CBL: variants seen among roughly 807,000 people sequenced by gnomAD.
CBL encodes Cbl proto-oncogene.
Under a neutral mutation model 96.9 loss-of-function variants are expected in CBL, and 45 were observed. That is an observed-to-expected ratio of 0.46 (90% CI 0.37 to 0.60). The LOEUF (loss-of-function observed/expected upper bound fraction) is 0.60, where lower values mean the gene tolerates loss of function less well. CBL is among the 20% of genes least tolerant of loss of function. The pLI is 0.00. For synonymous variants in CBL, 420 were observed against 426.8 expected, an observed-to-expected ratio of 0.98 and a Z score of 0.20; for missense variants, 1,024 against 1,143.5, an observed-to-expected ratio of 0.90 and a Z score of 1.51.
intron 9 of CBL, among the ~76,000 whole-genome samples, chr11:119,279,476 C>G (rs1949915952): frequency 7.4e-6 from 1 of 134,558 alleles, no homozygotes; most frequent in East Asian, 2.4e-4. Context: ...ACCACCACTG[C>G]CCCCATGCCC....
intron 4 of CBL, 56 bp downstream of exon 4, chr11:119,274,080 GC>G: frequency 1.9e-6 from 2 of 1,051,590 alleles, no homozygotes; most frequent in Non-Finnish European, 1.4e-6. Context: ...TGAAGAGAAA[GC>G]TTTTTTTTTT....
intron 1 of CBL, among the ~76,000 whole-genome samples, chr11:119,211,129 T>G (rs1949314817): frequency 1.3e-5 from 2 of 152,140 alleles, no homozygotes; most frequent in South Asian, 4.1e-4. Flanking sequence ...CCCAGCACTT[T>G]GGGAGGCCGA....
chr11:119,227,281 A>G (rs1949466122), intron 1 of CBL, among the ~76,000 whole-genome samples: 1 of 152,176 alleles, frequency 6.6e-6, no homozygotes, highest in Non-Finnish European at 1.5e-5. Context: ...TAGCTAAGCT[A>G]TGATGTTTGG....
At chr11:119,227,553 C>CT (rs757085592) in intron 1 of CBL, among the ~76,000 whole-genome samples, 1,957 of 142,398 alleles carry the variant, frequency 0.014, 25 homozygotes, top group African/African-American at 0.031. Context: ...TTATAATTTT[C>CT]TTTTTTTTTT....
chr11:119,278,377 AG>A, intron 8 of CBL, 80 bp downstream of exon 8: 1 of 1,566,298 alleles, frequency 6.4e-7, no homozygotes, highest in African/African-American at 1.4e-5. Context: ...TACTGATACA[AG>A]GGGTGGCCTG....
chr11:119,273,195 T>A (rs1400095185), intron 3 of CBL, among the ~76,000 whole-genome samples: 1 of 152,120 alleles, frequency 6.6e-6, no homozygotes, highest in East Asian at 1.9e-4. Flanking sequence ...TGGCCTCAAA[T>A]AATCTTTCCC....
intron 1 of CBL, among the ~76,000 whole-genome samples, chr11:119,227,907 A>G (rs1434442663): frequency 6.6e-6 from 1 of 152,096 alleles, no homozygotes; most frequent in Non-Finnish European, 1.5e-5. Flanking sequence ...GATTCCTCTC[A>G]CATTCAGATA....
At chr11:119,221,173 G>C (rs1429417624) in intron 1 of CBL, among the ~76,000 whole-genome samples, 1 of 151,892 alleles carries the variant, frequency 6.6e-6, no homozygotes, top group Non-Finnish European at 1.5e-5. Context: ...AACCTGGGAG[G>C]TGGAGGCTGC....
At chr11:119,288,340 A>T (rs2135313290) in intron 12 of CBL, among the ~76,000 whole-genome samples, 1 of 152,306 alleles carries the variant, frequency 6.6e-6, no homozygotes, top group Non-Finnish European at 1.5e-5. Flanking sequence ...TGGTTTAAAT[A>T]GCAGAAATTT....
chr11:119,263,018 G>T (rs1251916434), intron 2 of CBL, among the ~76,000 whole-genome samples: 4 of 152,294 alleles, frequency 2.6e-5, no homozygotes, highest in African/African-American at 9.6e-5. Flanking sequence ...TCATTTGTAA[G>T]ATACGGTTAG....
chr11:119,262,689 T>G (rs1165528553), intron 2 of CBL, among the ~76,000 whole-genome samples: 2 of 152,202 alleles, frequency 1.3e-5, no homozygotes, highest in African/African-American at 4.8e-5. Context: ...GCCTCTGCCC[T>G]TAAGGAGTTG....
At chr11:119,223,353 ATT>A (rs906231990) in intron 1 of CBL, among the ~76,000 whole-genome samples, 3 of 149,948 alleles carry the variant, frequency 2.0e-5, no homozygotes, top group African/African-American at 7.3e-5. Context: ...TTTGGTTTTT[ATT>A]TTATTTTACT....
intron 2 of CBL, among the ~76,000 whole-genome samples, chr11:119,239,638 G>A (rs1006534273): frequency 2.6e-5 from 4 of 152,168 alleles, no homozygotes; most frequent in African/African-American, 7.2e-5. Flanking sequence ...AATATCAGGA[G>A]TGGCCATCTT....
chr11:119,246,494 C>A (rs962167335), intron 2 of CBL, among the ~76,000 whole-genome samples: 1 of 152,056 alleles, frequency 6.6e-6, no homozygotes, highest in African/African-American at 2.4e-5. Flanking sequence ...CTCTGTTGCC[C>A]AGGCTGGAGT....
chr11:119,253,289 C>G (rs1416787103), intron 2 of CBL, among the ~76,000 whole-genome samples: 1 of 151,264 alleles, frequency 6.6e-6, no homozygotes, highest in Non-Finnish European at 1.5e-5. Flanking sequence ...AGAATAATGC[C>G]TGGTTCACAG....
At chr11:119,269,218 T>C (rs1419408745) in intron 2 of CBL, among the ~76,000 whole-genome samples, 4 of 151,692 alleles carry the variant, frequency 2.6e-5, no homozygotes, top group Non-Finnish European at 5.9e-5. Flanking sequence ...AAAAAAACAG[T>C]TAATGGACTT....
chr11:119,233,974 A>T (rs1949523497), intron 2 of CBL, among the ~76,000 whole-genome samples: 1 of 151,950 alleles, frequency 6.6e-6, no homozygotes, highest in Non-Finnish European at 1.5e-5. Flanking sequence ...ATGGACTCAA[A>T]ATGTCCATCT....
chr11:119,299,918 G>T lies in CBL; in HGVS notation c.*137G>T. ...CTCTCTGTGGGATATCACATCAGTGGTTCCAAGATTTCAAAGTGGTGAAAT... is the reference window on the plus strand; with the variant it reads ...CTCTCTGTGGGATATCACATCAGTGTTTCCAAGATTTCAAAGTGGTGAAAT... On this transcript the variant is annotated 3_prime_UTR_variant, in exon 16 of 16. Transcript: ENST00000264033. 1 of 844,860 alleles carries T rather than the reference G, an allele frequency of 1.2e-6. No individual in the cohort carries two copies. The highest frequency in any genetic ancestry group is 1.4e-5 in the South Asian group (1 of 72,946). 52.3% of individuals were successfully genotyped at this position (844,860 alleles called of 1,614,324 possible). A position where few individuals can be genotyped will look rare whatever the true frequency, so the allele number is the denominator to read the frequency against.
chr11:119,211,956 G>T (rs994858570), intron 1 of CBL, among the ~76,000 whole-genome samples: 7 of 152,090 alleles, frequency 4.6e-5, no homozygotes, highest in Middle Eastern at 3.4e-3. Flanking sequence ...TTCCACTATT[G>T]TTGCCCAGAC....
Sources: gnomAD v4.1 joint callset for allele counts (sites outside exome capture counted in the v4.1 genomes callset) on GRCh38, gnomAD v4.1.1 for gene constraint, MANE v1.5 for transcripts, NCBI Gene and HGNC (gene_info 2026-07-23, HGNC 2026-07-21) for gene names.